PKNOX1: variants seen among roughly 807,000 people sequenced by gnomAD.
PKNOX1 encodes the protein homeobox protein PKNOX1.
Under a neutral mutation model 51.9 loss-of-function variants are expected in PKNOX1, and 15 were observed. The observed-to-expected ratio is 0.29, with a 90% CI of 0.19 to 0.45. The LOEUF (loss-of-function observed/expected upper bound fraction) is 0.45, where lower values mean the gene tolerates loss of function less well. Ranked by LOEUF, PKNOX1 falls within the 20% of genes least tolerant of loss-of-function variation. PKNOX1 has a pLI of 1.00. For synonymous variants in PKNOX1, 219 were observed against 211.1 expected (o/e 1.04, Z -0.32); for missense variants, 462 against 547.5 (o/e 0.84, Z 1.56).
chr21:43,024,169 C>T (rs11702511), intron 8 of PKNOX1, among the ~76,000 whole-genome samples: 52,024 of 151,976 alleles, frequency 0.34, 9,007 homozygotes, highest in East Asian at 0.52. Context: ...GATCTCACCC[C>T]AGGAAAGCCG....
At chr21:43,002,538 C>T (rs1978809368) in intron 1 of PKNOX1, among the ~76,000 whole-genome samples, 1 of 152,030 alleles carries the variant, frequency 6.6e-6, no homozygotes, top group Admixed American at 6.6e-5. Context: ...CAGCCTCTGG[C>T]CATCGTGGTG....
intron 5 of PKNOX1, among the ~76,000 whole-genome samples, chr21:43,016,601 G>T (rs532344499): frequency 6.6e-6 from 1 of 152,304 alleles, no homozygotes; most frequent in South Asian, 2.1e-4. Context: ...AGAAAGCAGG[G>T]TCTTCCTCGA....
At chr21:43,029,642 A>G (rs13046445) in intron 10 of PKNOX1, among the ~76,000 whole-genome samples, 2 of 150,642 alleles carry the variant, frequency 1.3e-5, no homozygotes, top group African/African-American at 4.8e-5. Context: ...CGTGTTCACC[A>G]GGATGGTCTT....
In PKNOX1 at chr21:43,032,314, T is replaced by TTCCCTCCCCACCCTCCGTCTCTTCG; in HGVS notation, c.*2219_*2220insCCCACCCTCCGTCTCTTCGTCCCTC. 7.2e-6 allele frequency: 3 copies of TTCCCTCCCCACCCTCCGTCTCTTCG among 414,962 alleles called. No homozygotes were observed. Among genetic ancestry groups the TTCCCTCCCCACCCTCCGTCTCTTCG allele is most frequent in the Non-Finnish European group, 9.9e-6 (2 of 202,554 alleles). The allele number at this position is 414,962 out of a possible 1,614,324, so 25.7% of individuals were successfully genotyped here. A position where few individuals can be genotyped will look rare whatever the true frequency, so the allele number is the denominator to read the frequency against. Reference sequence around the variant, plus strand: ...ATGAAAGCCAGCCAGCCCTTCCTCCTTCCCTCACCACCCTCCGTCTCTTCG... The same window carrying TTCCCTCCCCACCCTCCGTCTCTTCG: ...ATGAAAGCCAGCCAGCCCTTCCTCCTTCCCTCCCCACCCTCCGTCTCTTCGTCCCTCACCACCCTCCGTCTCTTCG... On this transcript the variant is annotated 3_prime_UTR_variant, in exon 11 of 11. Transcript: ENST00000291547.
chr21:43,014,810 AC>A (rs1979416590), intron 5 of PKNOX1, among the ~76,000 whole-genome samples: 1 of 151,972 alleles, frequency 6.6e-6, no homozygotes, highest in South Asian at 2.1e-4. Context: ...GTTTCCTCCC[AC>A]CCTGTGATTC....
At chr21:42,999,650 T>G (rs975241371) in intron 1 of PKNOX1, among the ~76,000 whole-genome samples, 2 of 151,998 alleles carry the variant, frequency 1.3e-5, no homozygotes, top group African/African-American at 2.4e-5. Flanking sequence ...CCGGCTAATT[T>G]TCGTATTTTT....
At chr21:43,023,802 G>T (rs1220308722) in intron 8 of PKNOX1, among the ~76,000 whole-genome samples, 1 of 151,958 alleles carries the variant, frequency 6.6e-6, no homozygotes, top group Non-Finnish European at 1.5e-5. Context: ...TTTTAGTAGA[G>T]ATAAGGTTTC....
intron 1 of PKNOX1, among the ~76,000 whole-genome samples, chr21:42,995,457 G>A (rs1290828026): frequency 6.6e-6 from 1 of 152,062 alleles, no homozygotes; most frequent in East Asian, 1.9e-4. Context: ...GTAGGAGGAC[G>A]GCTTGAGCCC....
rs572905542 is a variant in PKNOX1, at chr21:43,020,121, CG to C, written c.721-1178del. On this transcript the variant is annotated intron_variant, in intron 7 of 10. Coordinates refer to ENST00000291547, the MANE Select transcript of PKNOX1 (RefSeq NM_004571.5). ...TAATTTTTAAATGTTTTTGTAAAGACGGGGTCTCACTATGTTGCCCATGCTG... is the reference window on the plus strand; with the variant it reads ...TAATTTTTAAATGTTTTTGTAAAGACGGGTCTCACTATGTTGCCCATGCTG... 1.9e-4 allele frequency among the ~76,000 whole-genome samples: 29 copies of C among 151,846 alleles called. 1 individual carries two copies. The highest frequency in any genetic ancestry group is 6.8e-4 in the African/African-American group (28 of 41,386).
chr21:42,991,991 C>T (rs1242736032), intron 1 of PKNOX1, among the ~76,000 whole-genome samples: 6 of 152,226 alleles, frequency 3.9e-5, no homozygotes, highest in African/African-American at 1.4e-4. Flanking sequence ...TGGAGATGCA[C>T]TACTACAAAT....
intron 5 of PKNOX1, among the ~76,000 whole-genome samples, chr21:43,016,430 G>A (rs1195247689): frequency 1.3e-5 from 2 of 152,230 alleles, no homozygotes; most frequent in Non-Finnish European, 2.9e-5. Flanking sequence ...GCCAGGGGCT[G>A]ACTCCCCAGC....
At chr21:43,017,556 G>GA (rs36108864) in intron 6 of PKNOX1, 36,929 of 147,562 alleles carry the variant, frequency 0.25, 4,781 homozygotes, top group Non-Finnish European at 0.3. Context: ...ACCTCAGTGG[G>GA]AAAAAAAAAA....
intron 4 of PKNOX1, among the ~76,000 whole-genome samples, chr21:43,011,585 T>C (rs1020502132): frequency 3.3e-5 from 5 of 152,194 alleles, no homozygotes; most frequent in African/African-American, 1.2e-4. Flanking sequence ...TGCCAGAGTG[T>C]AACCACGTGT....
chr21:42,974,740 C>A (rs1252063317), intron 1 of PKNOX1, 76 bp downstream of exon 1: 15 of 161,976 alleles, frequency 9.3e-5, no homozygotes, highest in Non-Finnish European at 1.8e-4. Flanking sequence ...CACACCGGCC[C>A]GCGGCCGCCG....
chr21:43,030,359 T>G lies in PKNOX1; in HGVS notation c.*258T>G, dbSNP rs1980209993. On this transcript the variant is annotated 3_prime_UTR_variant, in exon 11 of 11. Transcript: ENST00000291547. ...AGGTTTAACGCTAGATTGTGAGGAA[T>G]GACACACCACTCCCTCCCCACCTTG... The G allele has an allele frequency of 3.2e-6, 1 of 310,134 alleles. No individual in the cohort carries two copies. The highest frequency in any genetic ancestry group is 4.9e-5 in the Admixed American group (1 of 20,278). The allele number at this position is 310,134 out of a possible 1,614,324, so 19.2% of individuals were successfully genotyped here.
intron 5 of PKNOX1, among the ~76,000 whole-genome samples, chr21:43,014,153 C>T (rs1305027236): frequency 6.6e-6 from 1 of 151,684 alleles, no homozygotes; most frequent in Non-Finnish European, 1.5e-5. Flanking sequence ...TCCTGAGTAG[C>T]TGGGACTACA....
At chr21:43,013,459 T>G (rs1180990003) in intron 5 of PKNOX1, among the ~76,000 whole-genome samples, 1 of 152,244 alleles carries the variant, frequency 6.6e-6, no homozygotes, top group Admixed American at 6.5e-5. Context: ...CCCATGTTTA[T>G]GGAAGGCACA....
chr21:43,015,827 TAGTC>T (rs751108716), intron 5 of PKNOX1, among the ~76,000 whole-genome samples: 34 of 152,304 alleles, frequency 2.2e-4, no homozygotes, highest in Non-Finnish European at 3.7e-4. Context: ...ATTTTTTTTT[TAGTC>T]AGTCTTTCTA....
chr21:42,986,019 T>TAAA (rs915893947), intron 1 of PKNOX1, among the ~76,000 whole-genome samples: 1 of 131,336 alleles, frequency 7.6e-6, no homozygotes, highest in Non-Finnish European at 1.7e-5. Flanking sequence ...AAAAAAAAAT[T>TAAA]AAAAAAAAAA....
Sources: gnomAD v4.1 joint callset for allele counts (sites outside exome capture counted in the v4.1 genomes callset) on GRCh38, gnomAD v4.1.1 for gene constraint, MANE v1.5 for transcripts, NCBI Gene and HGNC (gene_info 2026-07-23, HGNC 2026-07-21) for gene names.